IMMP2L: variants seen among roughly 807,000 people sequenced by gnomAD.
IMMP2L encodes inner mitochondrial membrane peptidase subunit 2, also known as mitochondrial inner membrane protease subunit 2.
A neutral mutation model predicts 19.3 loss-of-function variants in IMMP2L; 18 were observed. That is an observed-to-expected ratio of 0.93 (90% CI 0.64 to 1.38). The LOEUF is 1.38. Ranked by LOEUF, IMMP2L falls within the 40% of genes most tolerant of loss-of-function variation. The pLI is 0.00. For synonymous variants in IMMP2L, 76 were observed against 73.0 expected, an observed-to-expected ratio of 1.04 and a Z score of -0.21; for missense variants, 233 against 218.2, an observed-to-expected ratio of 1.07 and a Z score of -0.43.
rs149115860 is a variant in IMMP2L at position 110,944,429 on chromosome 7, T to G, written c.305+19071A>C. ...ATGAAAGTATTTTTTAAATCTGGAA[T>G]AGTATAGCTCAAGCACATAGAGTGT... On this transcript the variant is annotated intron_variant, in intron 4 of 5. Transcript: ENST00000405709. 1.2e-3 allele frequency among the ~76,000 whole-genome samples: 180 copies of G among 148,614 alleles called. 2 individuals are homozygous for G. The highest frequency in any genetic ancestry group is 6.9e-3 in the Middle Eastern group (2 of 290).
chr7:111,473,008 T>G (rs532561311), intron 3 of IMMP2L, among the ~76,000 whole-genome samples: 2 of 152,180 alleles, frequency 1.3e-5, no homozygotes, highest in African/African-American at 2.4e-5. Flanking sequence ...ATTATTTGAT[T>G]AAGCAACATG....
chr7:111,524,360 C>T (rs934018000), intron 1 of IMMP2L, among the ~76,000 whole-genome samples: 21 of 151,982 alleles, frequency 1.4e-4, no homozygotes, highest in Non-Finnish European at 2.6e-4. Context: ...ATAGTTACTA[C>T]GTAGAAGAGA....
chr7:110,961,437 T>A (rs1346311442), intron 4 of IMMP2L, among the ~76,000 whole-genome samples: 1 of 151,684 alleles, frequency 6.6e-6, no homozygotes, highest in Admixed American at 6.6e-5. Context: ...TCTGTGTTTT[T>A]TTTTTTTTTC....
chr7:111,124,073 T>C, intron 3 of IMMP2L: 1 of 1,614,038 alleles, frequency 6.2e-7, no homozygotes, highest in South Asian at 1.1e-5. Flanking sequence ...AATCTAAATG[T>C]AGAAGCTGGG....
At chr7:110,680,741 T>C (rs1349546053) in intron 5 of IMMP2L, among the ~76,000 whole-genome samples, 2 of 152,116 alleles carry the variant, frequency 1.3e-5, no homozygotes, top group African/African-American at 4.8e-5. Context: ...AGATATTCCT[T>C]TTCTCCACTC....
intron 3 of IMMP2L, among the ~76,000 whole-genome samples, chr7:111,207,629 G>A (rs556448995): frequency 2.0e-4 from 29 of 146,784 alleles, no homozygotes; most frequent in East Asian, 6.2e-4. Context: ...TCAGCCTTCC[G>A]GGTTCAAGCG....
At chr7:111,255,003 A>ATAT (rs1353886089) in intron 3 of IMMP2L, among the ~76,000 whole-genome samples, 1 of 152,098 alleles carries the variant, frequency 6.6e-6, no homozygotes, top group Non-Finnish European at 1.5e-5. Flanking sequence ...CTATAACCAA[A>ATAT]TATAACTACT....
intron 3 of IMMP2L, among the ~76,000 whole-genome samples, chr7:111,089,424 A>G (rs1796624944): frequency 6.6e-6 from 1 of 152,108 alleles, no homozygotes; most frequent in Admixed American, 6.6e-5. Context: ...TTTTACAAAT[A>G]ATTATCACAA....
chr7:110,906,131 G>T (rs1184589939), intron 4 of IMMP2L, among the ~76,000 whole-genome samples: 9 of 152,062 alleles, frequency 5.9e-5, no homozygotes, highest in Non-Finnish European at 1.5e-5. Context: ...TTTAAAAAAA[G>T]AAAACTCATT....
At chr7:111,129,007 A>G (rs547723875) in intron 3 of IMMP2L, among the ~76,000 whole-genome samples, 1 of 152,334 alleles carries the variant, frequency 6.6e-6, no homozygotes, top group Middle Eastern at 3.4e-3. Flanking sequence ...CTCTATCCAC[A>G]TTAACCCTTA....
At chr7:110,884,285 C>T (rs1217413468) in intron 5 of IMMP2L, among the ~76,000 whole-genome samples, 1 of 151,950 alleles carries the variant, frequency 6.6e-6, no homozygotes, top group African/African-American at 2.4e-5. Flanking sequence ...ACACTAATTT[C>T]TTTCACAGAG....
chr7:110,982,967 C>A (rs1821458968), intron 3 of IMMP2L, among the ~76,000 whole-genome samples: 1 of 151,978 alleles, frequency 6.6e-6, no homozygotes, highest in African/African-American at 2.4e-5. Context: ...TTAATTATAA[C>A]CCCCTTAATA....
intron 5 of IMMP2L, among the ~76,000 whole-genome samples, chr7:110,681,472 AGC>A (rs2130447608): frequency 6.6e-6 from 1 of 152,302 alleles, no homozygotes; most frequent in African/African-American, 2.4e-5. Flanking sequence ...TCTGACTTGT[AGC>A]AGCAGGGCAT....
intron 3 of IMMP2L, among the ~76,000 whole-genome samples, chr7:111,465,501 T>TAAAAA: frequency 1.6e-5 from 1 of 64,306 alleles, no homozygotes; most frequent in Admixed American, 1.9e-4. Context: ...CAGGTGTCAC[T>TAAAAA]AAAAAAAAAA....
chr7:111,079,973 T>G (rs1795756010), intron 3 of IMMP2L, among the ~76,000 whole-genome samples: 1 of 151,976 alleles, frequency 6.6e-6, no homozygotes, highest in African/African-American at 2.4e-5. Flanking sequence ...AAGGTCCTTA[T>G]TAGATGCAGC....
chr7:110,757,966 G>A lies in IMMP2L; in HGVS notation c.409-94245C>T, dbSNP rs1246554284. Among the ~76,000 whole-genome samples, 4 of 152,030 alleles carry A rather than the reference G, an allele frequency of 2.6e-5. No homozygotes were observed. The highest frequency in any genetic ancestry group is 1.3e-4 in the Admixed American group (2 of 15,238). On this transcript the variant is annotated intron_variant, in intron 5 of 5. Coordinates refer to ENST00000405709, the MANE Select transcript of IMMP2L (RefSeq NM_032549.4). This position sits in a 1 kb window ranked among gnomAD's most constrained non-coding sequence, Gnocchi z 4.2. The stretch of plus-strand genomic sequence containing the variant: ...GGAATTCTTGGGTAGAAGTAGGAGT[G>A]ATGTAGTAAATGAGTTCAGTTTCAT...
chr7:110,705,248 G>C (rs1794573245), intron 5 of IMMP2L, among the ~76,000 whole-genome samples: 1 of 152,102 alleles, frequency 6.6e-6, no homozygotes, highest in Non-Finnish European at 1.5e-5. Flanking sequence ...TCATCAAACA[G>C]TTATATTAGA....
rs144505191 is a variant in IMMP2L, at chr7:111,539,825, A to T, written c.-2-18376T>A. ...ATATTTCTTGGTTAGACTAAATTCA[A>T]CTGTCAGCTTTATAGGCCTTTCTTT... is the stretch of plus-strand genomic sequence containing the variant. On this transcript the variant is annotated intron_variant, in intron 1 of 5. Coordinates refer to ENST00000405709, the MANE Select transcript of IMMP2L (RefSeq NM_032549.4). Among the ~76,000 whole-genome samples, 322 of 152,310 alleles carry T rather than the reference A, an allele frequency of 2.1e-3. 3 individuals carry two copies. Among genetic ancestry groups the T allele is most frequent in the African/African-American group, 7.3e-3 (305 of 41,582 alleles).
intron 3 of IMMP2L, among the ~76,000 whole-genome samples, chr7:111,072,405 C>T (rs887123301): frequency 7.2e-5 from 11 of 152,202 alleles, no homozygotes; most frequent in Middle Eastern, 3.2e-3. Flanking sequence ...GTCACCGAAT[C>T]TGGGGCAAAC....
Sources: gnomAD v4.1 joint callset for allele counts (sites outside exome capture counted in the v4.1 genomes callset) on GRCh38, gnomAD v4.1.1 for gene constraint, Gnocchi (gnomAD v3.1) non-coding constraint, MANE v1.5 for transcripts, NCBI Gene and HGNC (gene_info 2026-07-23, HGNC 2026-07-21) for gene names.